Variants in SRRM3 observed in about 807,000 individuals in gnomAD.
SRRM3 encodes the protein serine/arginine repetitive matrix 3, also known as serine/arginine repetitive matrix protein 3.
SRRM3 carries 27 observed loss-of-function variants against 66.2 expected under a neutral mutation model. The observed-to-expected ratio is 0.41, with a 90% CI of 0.30 to 0.56. SRRM3 has a LOEUF of 0.56. Ranked by LOEUF, SRRM3 falls within the 20% of genes least tolerant of loss-of-function variation. The pLI is 0.32. For synonymous variants in SRRM3, 391 were observed against 414.9 expected (o/e 0.94, Z 0.70); for missense variants, 918 against 991.9 (o/e 0.93, Z 1.00).
intron 1 of SRRM3, among the ~76,000 whole-genome samples, chr7:76,211,845 A>G (rs1800440932): frequency 6.9e-6 from 1 of 144,386 alleles, no homozygotes; most frequent in African/African-American, 2.7e-5. Context: ...TATTATTATT[A>G]TTATTATTAT....
intron 11 of SRRM3, chr7:76,269,535 T>C (rs2117083720): frequency 6.6e-6 from 1 of 150,946 alleles, no homozygotes; most frequent in African/African-American, 2.4e-5. Flanking sequence ...GGACGATACC[T>C]TTAAAAAAAA....
At chr7:76,267,553 G>T (rs1554609974) in intron 11 of SRRM3, 118 bp downstream of exon 11, 1 of 638,052 alleles carries the variant, frequency 1.6e-6, no homozygotes, top group Non-Finnish European at 2.2e-6. Flanking sequence ...GGGCGGGGGC[G>T]GCCGCTTCCT....
intron 3 of SRRM3, among the ~76,000 whole-genome samples, chr7:76,251,248 C>T (rs1801573701): frequency 2.0e-5 from 3 of 152,184 alleles, no homozygotes; most frequent in Admixed American, 1.3e-4. Flanking sequence ...CTCTGTGGGG[C>T]TCAGTTTGTT....
chr7:76,253,590 C>CAGG (rs1447506013), intron 3 of SRRM3, among the ~76,000 whole-genome samples: 3 of 150,326 alleles, frequency 2.0e-5, no homozygotes, highest in Non-Finnish European at 3.0e-5. Flanking sequence ...CACTGCACTC[C>CAGG]AGCCTGGGTG....
intron 1 of SRRM3, among the ~76,000 whole-genome samples, chr7:76,210,623 C>G (rs538276784): frequency 2.0e-5 from 3 of 152,108 alleles, no homozygotes; most frequent in African/African-American, 7.2e-5. Context: ...CACCTGTGGT[C>G]CTAGATACTT....
In SRRM3 at chr7:76,235,061, G is replaced by C. The variant is rs1801106702; in HGVS notation, c.-6G>C. On this transcript the variant is annotated 5_prime_UTR_variant, in exon 2 of 15. Transcript: ENST00000611745. The stretch of plus-strand genomic sequence containing the variant: ...GCCCAGGCCAGCGGCTCCAGGGCCA[G>C]CCACGATGTCCTCCACCGTGAACAA... 6.4e-7 allele frequency: 1 copy of C among 1,565,012 alleles called. No individual in the cohort carries two copies. Among genetic ancestry groups the C allele is most frequent in the Non-Finnish European group, 8.6e-7 (1 of 1,160,210 alleles).
At chr7:76,249,167 C>T (rs1470240283) in intron 3 of SRRM3, among the ~76,000 whole-genome samples, 3 of 152,002 alleles carry the variant, frequency 2.0e-5, no homozygotes, top group African/African-American at 7.2e-5. Flanking sequence ...GGGAGGATTG[C>T]TTGAGCTCAG....
intron 11 of SRRM3, chr7:76,267,652 A>G: frequency 2.4e-6 from 1 of 418,604 alleles, no homozygotes; most frequent in Non-Finnish European, 4.0e-6. Flanking sequence ...TGTCAGGGTG[A>G]GGGGCGCCTG....
intron 1 of SRRM3, among the ~76,000 whole-genome samples, chr7:76,214,039 A>G (rs1444284230): frequency 6.6e-6 from 1 of 151,976 alleles, no homozygotes; most frequent in Admixed American, 6.6e-5. Context: ...CAGCCTCCCA[A>G]AGTGTTGGGA....
At chr7:76,280,516 CG>C (rs553179115) in intron 11 of SRRM3, among the ~76,000 whole-genome samples, 1 of 151,006 alleles carries the variant, frequency 6.6e-6, no homozygotes, top group South Asian at 2.1e-4. Context: ...TCCGTCCCAT[CG>C]GGGGGGCAAT....
chr7:76,236,989 A>G (rs1395365584), intron 2 of SRRM3, among the ~76,000 whole-genome samples: 1 of 152,188 alleles, frequency 6.6e-6, no homozygotes, highest in Non-Finnish European at 1.5e-5. Flanking sequence ...TCGGTGGCTC[A>G]CGGCTGTACC....
At position 76,205,737 on chromosome 7, in the gene SRRM3, G is replaced by A. The variant is rs879988223; in HGVS notation, c.-40+3670G>A. 3.9e-5 allele frequency among the ~76,000 whole-genome samples: 6 copies of A among 152,338 alleles called. No individual in the cohort carries two copies. In the South Asian group the frequency reaches 1.2e-3, roughly 32 times the overall value. The stretch of plus-strand genomic sequence containing the variant: ...CAGAAAGGACTCTAACCTTGGTTCA[G>A]CCAAAGAGTCCTGGGATCTGTAGAT... On this transcript the variant is annotated intron_variant, in intron 1 of 14. Coordinates refer to ENST00000611745, the MANE Select transcript of SRRM3 (RefSeq NM_001110199.3).
intron 11 of SRRM3, among the ~76,000 whole-genome samples, chr7:76,281,155 C>T (rs1554611809): frequency 1.4e-5 from 2 of 141,390 alleles, no homozygotes; most frequent in African/African-American, 2.5e-5. Flanking sequence ...TCCCTCTCTC[C>T]CTCTTTCTTT....
intron 11 of SRRM3, chr7:76,267,839 G>GAC (rs1457197439): frequency 2.4e-5 from 4 of 168,400 alleles, no homozygotes; most frequent in Non-Finnish European, 5.0e-5. Flanking sequence ...GGATTCGAGA[G>GAC]ACAGGACCCC....
chr7:76,223,235 T>C (rs1332771925), intron 1 of SRRM3, among the ~76,000 whole-genome samples: 1 of 152,128 alleles, frequency 6.6e-6, no homozygotes, highest in East Asian at 1.9e-4. Context: ...AACCCTGAAG[T>C]TGATGGGGTG....
Position 76,261,379 on chromosome 7 carries a change from G to A in SRRM3, c.603G>A (p.Lys201=). 6.3e-7 allele frequency: 1 copy of A among 1,576,406 alleles called. No individual in the cohort carries two copies. Among genetic ancestry groups the A allele is most frequent in the Non-Finnish European group, 8.6e-7 (1 of 1,162,882 alleles). Residue 201 remains lysine, a synonymous_variant, in exon 7 of 15, where the codon AAG becomes AAA. Transcript: ENST00000611745. ...CSCGSSSPLR[K]KKKSVKKHRR... is the part of the protein sequence containing the mutation. The stretch of plus-strand genomic sequence containing the variant: ...GTGGGAGCTCCTCACCCCTCCGCAA[G>A]AAGAAGAAGAGTGTGAAGAAGCATC...
intron 3 of SRRM3, among the ~76,000 whole-genome samples, chr7:76,255,952 C>G (rs1554607640): frequency 1.3e-5 from 2 of 152,164 alleles, no homozygotes; most frequent in Non-Finnish European, 2.9e-5. Flanking sequence ...GCTACCCCTC[C>G]CCGGATGACA....
At position 76,218,674 on chromosome 7, in the gene SRRM3, C is replaced by CTTT. The variant is rs11349335; in HGVS notation, c.-39-16332_-39-16330dup. 3.9e-3 allele frequency among the ~76,000 whole-genome samples: 295 copies of CTTT among 76,304 alleles called. 2 individuals carry two copies. The highest frequency in any genetic ancestry group is 5.4e-3 in the African/African-American group (100 of 18,610). 50.1% of individuals were successfully genotyped at this position (76,304 alleles called of 152,430 possible). A position where few individuals can be genotyped will look rare whatever the true frequency, so the allele number is the denominator to read the frequency against. On this transcript the variant is annotated intron_variant, in intron 1 of 14. Transcript: ENST00000611745. Reference sequence around the variant, plus strand: ...GAACTCGTCTGTGTTGCTTTCTTTTCTTTTTTTTTTTTTTTTTTTTTTTTG... The same window carrying CTTT: ...GAACTCGTCTGTGTTGCTTTCTTTTCTTTTTTTTTTTTTTTTTTTTTTTTTTTG...
At chr7:76,277,734 A>AAG (rs5884991) in intron 11 of SRRM3, among the ~76,000 whole-genome samples, 5 of 101,900 alleles carry the variant, frequency 4.9e-5, no homozygotes, top group Non-Finnish European at 8.2e-5. Flanking sequence ...AAAAAAAAAA[A>AAG]AGAGAGAGAG....
Sources: allele counts gnomAD v4.1 joint callset (sites outside exome capture counted in the v4.1 genomes callset), GRCh38; gene constraint gnomAD v4.1.1; transcripts MANE v1.5; gene names NCBI Gene and HGNC (gene_info 2026-07-23, HGNC 2026-07-21).